Variants in SRC observed in about 807,000 individuals in gnomAD.
SRC encodes the protein SRC proto-oncogene, non-receptor tyrosine kinase, also known as proto-oncogene tyrosine-protein kinase Src.
SRC carries 13 observed loss-of-function variants against 62.9 expected under a neutral mutation model. That is an observed-to-expected ratio of 0.21 (90% CI 0.13 to 0.33). SRC has a LOEUF of 0.33. SRC is among the 10% of genes least tolerant of loss of function. The pLI is 1.00. For missense variants in SRC, 457 were observed against 737.3 expected (o/e 0.62, Z 4.40); for synonymous variants, 302 against 317.5 (o/e 0.95, Z 0.52).
intron 1 of SRC, among the ~76,000 whole-genome samples, chr20:37,360,214 C>CTTTTTT (rs1268089245): frequency 8.5e-6 from 1 of 117,744 alleles, no homozygotes; most frequent in African/African-American, 4.6e-5. Context: ...CTTTCTCTCT[C>CTTTTTT]TCTCTTTTTT....
chr20:37,346,382 C>G (rs1158779302), intron 1 of SRC, 127 bp downstream of exon 1: 3 of 151,366 alleles, frequency 2.0e-5, no homozygotes, highest in African/African-American at 4.8e-5. Context: ...AATTCCCACC[C>G]CCCCTCCGGG....
rs1163426589 is a variant in SRC at position 37,396,441 on chromosome 20, C to G, written c.703+130C>G. 4 of 1,038,776 alleles carry G rather than the reference C, an allele frequency of 3.9e-6. No individual in the cohort carries two copies. In the South Asian group the frequency reaches 4.8e-5, roughly 12 times the overall value. 64.3% of individuals were successfully genotyped at this position (1,038,776 alleles called of 1,614,324 possible). On this transcript the variant is annotated intron_variant, in intron 8 of 13. Transcript: ENST00000373578. The surrounding 1 kb of genome is among the most constrained non-coding windows in gnomAD (Gnocchi z 6.1). ...TTCTCTCCCCACTTCCCCCTCCCCC[C>G]TCCCTTCCTCTCTCCTCCCTTTTCC...
chr20:37,384,550 T>TGGGGGGGGG lies in SRC; in HGVS notation c.250+154_250+155insGGGGGGGGG. ...CTGGGTGACTTGGGTGTCCGGGGGG[T>TGGGGGGGGG]GGGGGGGCGGCCGTACACACTGTGA... On this transcript the variant is annotated intron_variant, in intron 4 of 13. Coordinates refer to ENST00000373578, the MANE Select transcript of SRC (RefSeq NM_198291.3). This position sits in a 1 kb window ranked among gnomAD's most constrained non-coding sequence, Gnocchi z 6.7. 6.1e-5 allele frequency: 10 copies of TGGGGGGGGG among 162,678 alleles called. No individual in the cohort carries two copies. Among genetic ancestry groups the TGGGGGGGGG allele is most frequent in the East Asian group, 3.2e-4 (2 of 6,224 alleles). The allele number at this position is 162,678 out of a possible 1,614,324, so 10.1% of individuals were successfully genotyped here. A position where few individuals can be genotyped will look rare whatever the true frequency, so the allele number is the denominator to read the frequency against.
chr20:37,363,983 C>A (rs956258662), intron 1 of SRC, among the ~76,000 whole-genome samples: 2 of 152,068 alleles, frequency 1.3e-5, no homozygotes, highest in Non-Finnish European at 2.9e-5. Flanking sequence ...TGGGCCAAGT[C>A]CCTGCCCACC....
chr20:37,401,977 T>C (rs1047300179), intron 11 of SRC: 19 of 390,802 alleles, frequency 4.9e-5, no homozygotes, highest in African/African-American at 3.3e-4. Context: ...GTGTTCATGC[T>C]TGCTGTAGGC....
intron 10 of SRC, 90 bp from the exon 11 acceptor site, chr20:37,401,512 G>C: frequency 2.0e-6 from 2 of 1,000,098 alleles, no homozygotes; most frequent in Non-Finnish European, 3.1e-6. Context: ...TTAAAGCAAG[G>C]CCAGCCACCT....
chr20:37,374,086 T>C (rs201724846), intron 2 of SRC, among the ~76,000 whole-genome samples: 32,247 of 150,682 alleles, frequency 0.21, 4,940 homozygotes, highest in African/African-American at 0.44. Context: ...GAATAATTTT[T>C]TTTTTTTTTT....
rs1413149358 is a variant in SRC at position 37,396,743 on chromosome 20, G to A, written c.703+432G>A. ...GATTGCAGCAAAGAGGGAAGAGAGC[G>A]GCAGAGGGAGCTCGCGGGGCTTGCG... On this transcript the variant is annotated intron_variant, in intron 8 of 13. Coordinates refer to ENST00000373578, the MANE Select transcript of SRC (RefSeq NM_198291.3). This position sits in a 1 kb window ranked among gnomAD's most constrained non-coding sequence, Gnocchi z 6.1. 2 of 191,302 alleles carry A rather than the reference G, an allele frequency of 1.0e-5. No individual in the cohort carries two copies. The highest frequency in any genetic ancestry group is 2.2e-4 in the South Asian group (2 of 9,082). 11.9% of individuals were successfully genotyped at this position (191,302 alleles called of 1,614,324 possible). A position where few individuals can be genotyped will look rare whatever the true frequency, so the allele number is the denominator to read the frequency against.
intron 3 of SRC, chr20:37,383,643 C>T (rs1568634055): frequency 6.3e-6 from 1 of 158,116 alleles, no homozygotes; most frequent in Non-Finnish European, 1.4e-5. Flanking sequence ...GGATGCCATC[C>T]TTACGCTCAT....
In SRC at chr20:37,403,550, G is replaced by A; in HGVS notation, c.*171G>A. 2 of 783,024 alleles carry A rather than the reference G, an allele frequency of 2.6e-6. No individual in the cohort carries two copies. The highest frequency in any genetic ancestry group is 4.0e-6 in the Non-Finnish European group (2 of 503,538). The allele number at this position is 783,024 out of a possible 1,614,324, so 48.5% of individuals were successfully genotyped here. A position where few individuals can be genotyped will look rare whatever the true frequency, so the allele number is the denominator to read the frequency against. On this transcript the variant is annotated 3_prime_UTR_variant, in exon 14 of 14. Transcript: ENST00000373578. The surrounding 1 kb of genome is among the most constrained non-coding windows in gnomAD (Gnocchi z 7.1). ...GCATGGAAGGGGCTTCTGGACCTAG[G>A]GTGGCCTGAGAGGGCGGTGGGTATG...
rs79176685 is a variant in SRC, at chr20:37,394,476, G to A, written c.553+199G>A. On this transcript the variant is annotated intron_variant, in intron 7 of 13. Transcript: ENST00000373578. The stretch of plus-strand genomic sequence containing the variant: ...CGCGGTGGCCAGATGTCCAGAGAAA[G>A]ATGAGGCTTAGTCTCTCTGGCCTCA... Among the ~76,000 whole-genome samples, 154 of 152,300 alleles carry A rather than the reference G, an allele frequency of 1.0e-3. 1 individual carries two copies. Among genetic ancestry groups the A allele is most frequent in the Non-Finnish European group, 1.3e-3 (88 of 68,028 alleles).
At position 37,396,513 on chromosome 20, in the gene SRC, C is replaced by A; in HGVS notation, c.703+202C>A. ...TCTTCCTCTTCTTTCCCCCAGCCCC[C>A]CTCCTCCCTGTCCCCCTCTCTCCCT... On this transcript the variant is annotated intron_variant, in intron 8 of 13. Transcript: ENST00000373578. The surrounding 1 kb of genome is among the most constrained non-coding windows in gnomAD (Gnocchi z 6.1). 1 of 674,998 alleles carries A rather than the reference C, an allele frequency of 1.5e-6. No homozygotes were observed. Among genetic ancestry groups the A allele is most frequent in the Non-Finnish European group, 2.5e-6 (1 of 405,906 alleles). 41.8% of individuals were successfully genotyped at this position (674,998 alleles called of 1,614,324 possible). A position where few individuals can be genotyped will look rare whatever the true frequency, so the allele number is the denominator to read the frequency against.
intron 2 of SRC, among the ~76,000 whole-genome samples, chr20:37,378,390 T>C (rs926499408): frequency 6.6e-6 from 1 of 152,124 alleles, no homozygotes; most frequent in East Asian, 1.9e-4. Flanking sequence ...GCAGCTCATG[T>C]TTGCTACAGG....
chr20:37,402,247 C>T lies in SRC; in HGVS notation c.1117-188C>T. ...TGCCCTCTGCTCTGTGCCCTGTGCT[C>T]CCTACTCCCGCAGAGCACTGCTCCT... On this transcript the variant is annotated intron_variant, in intron 11 of 13. Transcript: ENST00000373578. This position sits in a 1 kb window ranked among gnomAD's most constrained non-coding sequence, Gnocchi z 6.2. 1 of 646,544 alleles carries T rather than the reference C, an allele frequency of 1.5e-6. No individual in the cohort carries two copies. The highest frequency in any genetic ancestry group is 2.6e-6 in the Non-Finnish European group (1 of 385,022). 40.1% of individuals were successfully genotyped at this position (646,544 alleles called of 1,614,324 possible).
intron 1 of SRC, among the ~76,000 whole-genome samples, chr20:37,363,412 C>T (rs1188802258): frequency 1.3e-5 from 2 of 152,216 alleles, no homozygotes; most frequent in Non-Finnish European, 2.9e-5. Flanking sequence ...CGCCTCTGCA[C>T]CCAGGCTCCC....
intron 1 of SRC, among the ~76,000 whole-genome samples, chr20:37,362,737 G>A (rs886876491): frequency 1.3e-5 from 2 of 151,960 alleles, no homozygotes; most frequent in Admixed American, 1.3e-4. Context: ...GGGGTGGGGT[G>A]GGGGGGTCTG....
intron 5 of SRC, among the ~76,000 whole-genome samples, chr20:37,389,208 C>T (rs898404706): frequency 6.6e-6 from 1 of 152,146 alleles, no homozygotes; most frequent in Non-Finnish European, 1.5e-5. Context: ...GGGCTGAGGT[C>T]TGACTGCCTC....
At chr20:37,374,574 T>C (rs1463946893) in intron 2 of SRC, among the ~76,000 whole-genome samples, 14 of 86,022 alleles carry the variant, frequency 1.6e-4, no homozygotes, top group African/African-American at 1.2e-3. Flanking sequence ...TAATACTCTT[T>C]TTTTTTTTTT....
chr20:37,380,767 T>C (rs933976766), intron 2 of SRC, among the ~76,000 whole-genome samples: 11 of 152,208 alleles, frequency 7.2e-5, no homozygotes, highest in African/African-American at 2.7e-4. Flanking sequence ...GTTGACCGTC[T>C]TGCGTTGCTG....
Sources: gnomAD v4.1 joint callset for allele counts (sites outside exome capture counted in the v4.1 genomes callset) on GRCh38, gnomAD v4.1.1 for gene constraint, Gnocchi (gnomAD v3.1) non-coding constraint, MANE v1.5 for transcripts, NCBI Gene and HGNC (gene_info 2026-07-23, HGNC 2026-07-21) for gene names.